GTF2I: variants seen among roughly 807,000 people sequenced by gnomAD.
GTF2I encodes general transcription factor II-I.
A neutral mutation model predicts 67.6 loss-of-function variants in GTF2I; 12 were observed. That is an observed-to-expected ratio of 0.18 (90% CI 0.11 to 0.29). The LOEUF (loss-of-function observed/expected upper bound fraction) is 0.29, where lower values mean the gene tolerates loss of function less well. Among genes scored for constraint, GTF2I ranks in the 10% least tolerant of loss-of-function variants. The pLI is 1.00. For missense variants in GTF2I, 271 were observed against 580.1 expected (o/e 0.47, Z 5.47); for synonymous variants, 149 against 197.0 (o/e 0.76, Z 2.04).
intron 3 of GTF2I, among the ~76,000 whole-genome samples, chr7:74,698,244 C>T (rs1169398709): frequency 2.6e-5 from 4 of 151,880 alleles, no homozygotes; most frequent in Non-Finnish European, 5.9e-5. Flanking sequence ...CGTGAGCCAC[C>T]GCGCCCGGCC....
At chr7:74,705,574 T>C (rs1790536426) in intron 7 of GTF2I, among the ~76,000 whole-genome samples, 1 of 150,042 alleles carries the variant, frequency 6.7e-6, no homozygotes, top group Admixed American at 6.7e-5. Flanking sequence ...TTTTTATTTT[T>C]GAGATGGAGT....
At chr7:74,663,186 A>G (rs1231531846) in intron 1 of GTF2I, among the ~76,000 whole-genome samples, 1 of 152,140 alleles carries the variant, frequency 6.6e-6, no homozygotes, top group Non-Finnish European at 1.5e-5. Context: ...AGTTTTTGCA[A>G]TATGCTTCAT....
chr7:74,679,048 G>C (rs1404554320), intron 1 of GTF2I, among the ~76,000 whole-genome samples: 1 of 150,256 alleles, frequency 6.7e-6, no homozygotes, highest in Non-Finnish European at 1.5e-5. Flanking sequence ...GGGATTACAG[G>C]CATGAGCCAC....
chr7:74,722,087 T>C (rs1793081555), intron 12 of GTF2I, among the ~76,000 whole-genome samples: 1 of 152,208 alleles, frequency 6.6e-6, no homozygotes, highest in African/African-American at 2.4e-5. Flanking sequence ...ATCAAATAAG[T>C]CTGTCCGATT....
In GTF2I at chr7:74,690,936, T is replaced by A. The variant is rs782670750; in HGVS notation, c.100-37T>A. ...CGAGCAGAAATGATGCTCTTAAACG[T>A]CCGCCTGTAACATGATGTTTGCTGT... On this transcript the variant is annotated intron_variant, in intron 2 of 34. Coordinates refer to ENST00000573035, the MANE Select transcript of GTF2I (RefSeq NM_032999.4). 3.8e-6 allele frequency: 6 copies of A among 1,588,478 alleles called. No individual in the cohort carries two copies. In the South Asian group the frequency reaches 7.0e-5, roughly 19 times the overall value.
At chr7:74,701,715 C>G (rs1404173452) in intron 6 of GTF2I, among the ~76,000 whole-genome samples, 1 of 152,036 alleles carries the variant, frequency 6.6e-6, no homozygotes, top group Admixed American at 6.6e-5. Flanking sequence ...TCCACCCGCC[C>G]CGGCCTCCCA....
At chr7:74,659,030 T>A (rs1317763119) in intron 1 of GTF2I, among the ~76,000 whole-genome samples, 1 of 152,074 alleles carries the variant, frequency 6.6e-6, no homozygotes, top group Non-Finnish European at 1.5e-5. Flanking sequence ...GGGGTGCTGT[T>A]GGAGTAGTGT....
chr7:74,688,960 A>C lies in GTF2I; in HGVS notation c.-5-164A>C, dbSNP rs971004745. ...AATTAGGGGATAGATTCTTTATCTT[A>C]TGAGGGTTTGGGCAAGTCAAATACT... On this transcript the variant is annotated intron_variant, in intron 1 of 34. Transcript: ENST00000573035. 2.5e-5 allele frequency: 14 copies of C among 549,462 alleles called. 2 individuals are homozygous for C. The South Asian group carries it at 3.4e-4, about 13-fold the overall frequency. 34.0% of individuals were successfully genotyped at this position (549,462 alleles called of 1,614,324 possible).
At chr7:74,697,873 A>G (rs963551649) in intron 3 of GTF2I, among the ~76,000 whole-genome samples, 2 of 152,032 alleles carry the variant, frequency 1.3e-5, no homozygotes, top group Non-Finnish European at 2.9e-5. Context: ...GGTTCAAGCA[A>G]TTCTCCTGCC....
chr7:74,686,804 C>T lies in GTF2I; in HGVS notation c.-5-2320C>T, dbSNP rs187866845. 2.0e-5 allele frequency among the ~76,000 whole-genome samples: 3 copies of T among 152,068 alleles called. No homozygotes were observed. In the South Asian group the frequency reaches 6.2e-4, roughly 32 times the overall value. ...ACTTGCTTGATACGGCCTTTACTTC[C>T]GTCTCTAGTCAGGGACCCTTGTGTT... On this transcript the variant is annotated intron_variant, in intron 1 of 34. Transcript: ENST00000573035.
intron 12 of GTF2I, chr7:74,726,946 A>AG: frequency 7.1e-6 from 1 of 140,830 alleles, no homozygotes; most frequent in East Asian, 1.9e-4. Context: ...ATAGATAGAA[A>AG]GAATGAGACC....
rs587684964 is a variant in GTF2I, at chr7:74,732,321, C to T, written c.1121-158C>T. ...CCCGGGAGGCAGAGCTTGCAGTGAACCGAGATCACACCACTGCACTGCAGC... is the reference window on the plus strand; with the variant it reads ...CCCGGGAGGCAGAGCTTGCAGTGAATCGAGATCACACCACTGCACTGCAGC... On this transcript the variant is annotated intron_variant, in intron 14 of 34. Transcript: ENST00000573035. Among the ~76,000 whole-genome samples the T allele has an allele frequency of 5.3e-5, 8 of 151,888 alleles. No homozygotes were observed. In the South Asian group the frequency reaches 1.7e-3, roughly 32 times the overall value.
Position 74,667,526 on chromosome 7 carries a change from TG to T in GTF2I, c.-6+9464del, listed in dbSNP as rs1254389768. On this transcript the variant is annotated intron_variant, in intron 1 of 34. Coordinates refer to ENST00000573035, the MANE Select transcript of GTF2I (RefSeq NM_032999.4). ...AAATTACCATTTTAACCTTTTTTTG[TG>T]GGGGGAGGGACGGGATGTCACTCTG... Among the ~76,000 whole-genome samples, 7 of 152,138 alleles carry T rather than the reference TG, an allele frequency of 4.6e-5. 1 individual carries two copies. The highest frequency in any genetic ancestry group is 1.7e-4 in the African/African-American group (7 of 41,514).
At chr7:74,679,544 CTG>C (rs2131250625) in intron 1 of GTF2I, among the ~76,000 whole-genome samples, 1 of 152,304 alleles carries the variant, frequency 6.6e-6, no homozygotes, top group Non-Finnish European at 1.5e-5. Flanking sequence ...TGCTGAAAGA[CTG>C]TGTAGTATTA....
intron 2 of GTF2I, among the ~76,000 whole-genome samples, chr7:74,690,484 G>C (rs1374153982): frequency 6.6e-6 from 1 of 152,186 alleles, no homozygotes; most frequent in Admixed American, 6.5e-5. Flanking sequence ...AATACTTCTG[G>C]AGGTGGGGAT....
At chr7:74,729,283 G>T in intron 13 of GTF2I, among the ~76,000 whole-genome samples, 1 of 86,144 alleles carries the variant, frequency 1.2e-5, no homozygotes, top group African/African-American at 4.9e-5. Context: ...AATGGATGAT[G>T]TATCCTAGCA....
intron 1 of GTF2I, among the ~76,000 whole-genome samples, chr7:74,680,122 G>GTATGTATGTATATACACATATATA (rs1787130205): frequency 1.7e-5 from 2 of 115,876 alleles, no homozygotes; most frequent in Non-Finnish European, 3.5e-5. Context: ...ATATATGTAT[G>GTATGTATGTATATACACATATATA]TATGTATGTA....
chr7:74,678,835 G>A (rs1786939750), intron 1 of GTF2I, among the ~76,000 whole-genome samples: 1 of 152,140 alleles, frequency 6.6e-6, no homozygotes, highest in Non-Finnish European at 1.5e-5. Context: ...GCAGTGGCGC[G>A]ATCTCGGCTC....
chr7:74,667,980 C>G (rs184759861), intron 1 of GTF2I, among the ~76,000 whole-genome samples: 18 of 151,652 alleles, frequency 1.2e-4, no homozygotes, highest in Middle Eastern at 6.8e-3. Flanking sequence ...ACTACAGGTG[C>G]GCACCACCAC....
Sources: allele counts gnomAD v4.1 joint callset (sites outside exome capture counted in the v4.1 genomes callset), GRCh38; gene constraint gnomAD v4.1.1; transcripts MANE v1.5; gene names NCBI Gene and HGNC (gene_info 2026-07-23, HGNC 2026-07-21).